The following HNRNPM variants were observed in gnomAD, a reference collection of about 807,000 sequenced individuals.
HNRNPM encodes the protein heterogeneous nuclear ribonucleoprotein M.
In HNRNPM, 11 loss-of-function variants were observed where a neutral mutation model predicts 73.1. The ratio of observed to expected loss-of-function variants is 0.15; its 90% CI spans 0.09 to 0.25. The LOEUF (loss-of-function observed/expected upper bound fraction) is 0.25, where lower values mean the gene tolerates loss of function less well. HNRNPM is among the 10% of genes least tolerant of loss of function. The probability of loss-of-function intolerance (pLI) is 1.00; values close to 1 mark genes in which losing one functional copy is unlikely to be tolerated. For missense variants in HNRNPM, 789 were observed against 1,067.9 expected, an observed-to-expected ratio of 0.74 and a Z score of 3.64; for synonymous variants, 407 against 355.2, an observed-to-expected ratio of 1.15 and a Z score of -1.64.
rs753317424 is a variant in HNRNPM at position 8,486,221 on chromosome 19, C to T, written c.1793C>T (p.Pro598Leu). ...SLERMGPAMG[P>L]ALGAGIERMG... Reference sequence around the variant, plus strand: ...GAGCGCATGGGCCCTGCCATGGGCCCGGCCCTGGGCGCTGGCATTGAGCGC... The same window carrying T: ...GAGCGCATGGGCCCTGCCATGGGCCTGGCCCTGGGCGCTGGCATTGAGCGC... The change falls in exon 14 of 16, where the codon CCG becomes CTG. Residue 598 changes from proline to leucine, a missense_variant. Physicochemically the swap from Pro to Leu is moderately conservative, Grantham distance 98. Coordinates refer to ENST00000325495, the MANE Select transcript of HNRNPM (RefSeq NM_005968.5). 7 of 1,589,922 alleles carry T rather than the reference C, an allele frequency of 4.4e-6. No individual in the cohort carries two copies. The East Asian group carries it at 6.8e-5, about 15-fold the overall frequency.
chr19:8,462,312 T>G lies in HNRNPM; in HGVS notation c.284-217T>G. On this transcript the variant is annotated intron_variant, in intron 2 of 15. Coordinates refer to ENST00000325495, the MANE Select transcript of HNRNPM (RefSeq NM_005968.5). The surrounding 1 kb of genome is among the most constrained non-coding windows in gnomAD (Gnocchi z 4.5). Reference sequence around the variant, plus strand: ...AATCTGTGGAATAGCTTGTTTGTGGTGGGAGGAAAATCAAGGACATATTGT... The same window carrying G: ...AATCTGTGGAATAGCTTGTTTGTGGGGGGAGGAAAATCAAGGACATATTGT... The G allele has an allele frequency of 3.9e-6, 2 of 515,046 alleles. No homozygotes were observed. The highest frequency in any genetic ancestry group is 7.1e-6 in the Non-Finnish European group (2 of 283,110). The allele number at this position is 515,046 out of a possible 1,614,324, so 31.9% of individuals were successfully genotyped here. A position where few individuals can be genotyped will look rare whatever the true frequency, so the allele number is the denominator to read the frequency against.
intron 2 of HNRNPM, among the ~76,000 whole-genome samples, chr19:8,458,069 A>G (rs1969143417): frequency 1.3e-5 from 2 of 152,242 alleles, no homozygotes; most frequent in South Asian, 4.1e-4. Flanking sequence ...ATCTAATTGC[A>G]GCCTCTCAGA....
At chr19:8,450,491 A>C (rs11259983) in intron 1 of HNRNPM, among the ~76,000 whole-genome samples, 35,130 of 151,436 alleles carry the variant, frequency 0.23, 5,037 homozygotes, top group East Asian at 0.5. Flanking sequence ...ACTCACTGCA[A>C]CTCCAGCTCC....
intron 5 of HNRNPM, among the ~76,000 whole-genome samples, 184 bp from the exon 6 acceptor site, chr19:8,465,140 A>G (rs1003422461): frequency 1.3e-5 from 2 of 151,660 alleles, no homozygotes; most frequent in Admixed American, 6.6e-5. Context: ...TTCCTTTCCT[A>G]TTTCTTTAGC....
chr19:8,460,422 C>G (rs1232381235), intron 2 of HNRNPM, among the ~76,000 whole-genome samples: 1 of 152,150 alleles, frequency 6.6e-6, no homozygotes, highest in Non-Finnish European at 1.5e-5. Flanking sequence ...GACAGCACTA[C>G]TCATGCTGGA....
At chr19:8,484,853 C>T (rs888279339) in intron 13 of HNRNPM, among the ~76,000 whole-genome samples, 15 of 152,156 alleles carry the variant, frequency 9.9e-5, no homozygotes, top group African/African-American at 2.2e-4. Flanking sequence ...GAGTTGCAAG[C>T]ACCACGGGTG....
chr19:8,451,213 T>C (rs1181444471), intron 1 of HNRNPM, among the ~76,000 whole-genome samples: 2 of 152,040 alleles, frequency 1.3e-5, no homozygotes, highest in African/African-American at 4.8e-5. Flanking sequence ...GGCCTAATTT[T>C]TGTATGTTTA....
Position 8,486,132 on chromosome 19 carries a change from GGAGCGCATGGGCGCCAACAGCCTC to G in HNRNPM, c.1717_1740del (p.Ala573_Gly580del), listed in dbSNP as rs765429831. ...CCAACAATCTGGAGCGGATGGGCCTGGAGCGCATGGGCGCCAACAGCCTCGAGCGCATGGGCCTGGAGCGCATGG... is the reference window on the plus strand; with the variant it reads ...CCAACAATCTGGAGCGGATGGGCCTGGAGCGCATGGGCCTGGAGCGCATGG... On this transcript the variant is annotated inframe_deletion, in exon 14 of 16. Coordinates refer to ENST00000325495, the MANE Select transcript of HNRNPM (RefSeq NM_005968.5). The G allele has an allele frequency of 2.4e-4, 389 of 1,606,118 alleles. No homozygotes were observed. The highest frequency in any genetic ancestry group is 3.0e-4 in the Non-Finnish European group (358 of 1,179,530).
At chr19:8,466,828 CAAAAAAAAAAAAAAA>C (rs61362863) in intron 7 of HNRNPM, among the ~76,000 whole-genome samples, 4 of 56,492 alleles carry the variant, frequency 7.1e-5, no homozygotes, top group African/African-American at 2.2e-4. Flanking sequence ...GACTCAGTCT[CAAAAAAAAAAAAAAA>C]AAAAAAAAAG....
At chr19:8,483,773 T>C (rs1035935935) in intron 13 of HNRNPM, among the ~76,000 whole-genome samples, 5 of 152,204 alleles carry the variant, frequency 3.3e-5, no homozygotes, top group Non-Finnish European at 5.9e-5. Context: ...AATGTACTTT[T>C]TGAGCATTTT....
chr19:8,459,271 G>A (rs552032588), intron 2 of HNRNPM, among the ~76,000 whole-genome samples: 1 of 152,208 alleles, frequency 6.6e-6, no homozygotes, highest in Non-Finnish European at 1.5e-5. Context: ...TGAATACTTA[G>A]GTTGAGCCCC....
chr19:8,450,144 G>A (rs1027619091), intron 1 of HNRNPM, among the ~76,000 whole-genome samples: 1 of 152,204 alleles, frequency 6.6e-6, no homozygotes, highest in African/African-American at 2.4e-5. Context: ...ATGCATTAGA[G>A]CAGCGCAGGA....
Position 8,445,102 on chromosome 19 carries a change from G to A in HNRNPM, c.104G>A (p.Gly35Asp). The stretch of plus-strand genomic sequence containing the variant: ...GTGCCGAGCGGCAACGGGGCTCCGG[G>A]CCCTAAGGGGTGAGTATCCCACGGT... Reference protein sequence around the residue: ...PGVPSGNGAPGPKGEGERPAQ... With the variant: ...PGVPSGNGAPDPKGEGERPAQ... The change falls in exon 1 of 16, where the codon GGC (glycine) becomes GAC (aspartate). Residue 35 changes from glycine to aspartate, a missense_variant. Physicochemically the swap from Gly to Asp is moderately conservative, Grantham distance 94. Coordinates refer to ENST00000325495, the MANE Select transcript of HNRNPM (RefSeq NM_005968.5). The A allele has an allele frequency of 7.1e-7, 1 of 1,409,970 alleles. No individual in the cohort carries two copies. The highest frequency in any genetic ancestry group is 9.3e-7 in the Non-Finnish European group (1 of 1,080,268). The allele number at this position is 1,409,970 out of a possible 1,614,324, so 87.3% of individuals were successfully genotyped here. A position where few individuals can be genotyped will look rare whatever the true frequency, so the allele number is the denominator to read the frequency against.
chr19:8,486,500 A>G (rs1021443906), intron 14 of HNRNPM, 95 bp downstream of exon 14: 8 of 1,037,702 alleles, frequency 7.7e-6, no homozygotes, highest in Non-Finnish European at 1.4e-6. Context: ...GGCGCCCTTC[A>G]AAGGGGACCA....
chr19:8,476,120 A>G (rs966560856), intron 12 of HNRNPM, among the ~76,000 whole-genome samples: 2 of 152,034 alleles, frequency 1.3e-5, no homozygotes, highest in African/African-American at 4.8e-5. Context: ...GTGGCAAAGG[A>G]TTCCAAGTGC....
chr19:8,475,774 CAG>C (rs1568289468), intron 12 of HNRNPM, among the ~76,000 whole-genome samples: 1 of 152,152 alleles, frequency 6.6e-6, no homozygotes, highest in Non-Finnish European at 1.5e-5. Flanking sequence ...AAATGTTACT[CAG>C]AGCAGATTAG....
chr19:8,448,281 C>T (rs955273495), intron 1 of HNRNPM, among the ~76,000 whole-genome samples: 3 of 152,050 alleles, frequency 2.0e-5, no homozygotes, highest in Non-Finnish European at 4.4e-5. Flanking sequence ...TACTTCTCTC[C>T]TGGGTGTGAG....
Position 8,485,800 on chromosome 19 carries a change from G to A in HNRNPM, c.1372G>A (p.Gly458Ser), listed in dbSNP as rs1232040000. ...ERMGSGIERM[G>S]PLGLDHMASS... ...CATGGGCTCCGGCATTGAGCGCATG[G>A]GCCCGCTGGGCCTCGACCACATGGC... Residue 458 changes from glycine (G) to serine (S), a missense_variant, in exon 14 of 16, where the codon GGC (glycine) becomes AGC (serine). By Grantham distance (56) the Gly-to-Ser change is moderately conservative. Coordinates refer to ENST00000325495, the MANE Select transcript of HNRNPM (RefSeq NM_005968.5). 6.2e-7 allele frequency: 1 copy of A among 1,603,402 alleles called. No homozygotes were observed.
At chr19:8,477,705 A>G (rs1970616187) in intron 12 of HNRNPM, among the ~76,000 whole-genome samples, 1 of 148,914 alleles carries the variant, frequency 6.7e-6, no homozygotes, top group African/African-American at 2.5e-5. Context: ...AACCTTACAA[A>G]ATATGAGAAA....
Sources: allele counts gnomAD v4.1 joint callset (sites outside exome capture counted in the v4.1 genomes callset), GRCh38; gene constraint gnomAD v4.1.1; non-coding constraint Gnocchi (gnomAD v3.1); transcripts MANE v1.5; gene names NCBI Gene and HGNC (gene_info 2026-07-23, HGNC 2026-07-21).